Variants in TLL1 observed in about 807,000 individuals in gnomAD.
TLL1 encodes tolloid like 1.
TLL1 carries 49 observed loss-of-function variants against 128.2 expected under a neutral mutation model. That is an observed-to-expected ratio of 0.38 (90% CI 0.30 to 0.48). The LOEUF (loss-of-function observed/expected upper bound fraction) is 0.48, where lower values mean the gene tolerates loss of function less well. Ranked by LOEUF, TLL1 falls within the 20% of genes least tolerant of loss-of-function variation. The pLI, the probability that TLL1 is intolerant of heterozygous loss-of-function variation, is 0.96. For missense variants in TLL1, 1,123 were observed against 1,242.0 expected (o/e 0.90, Z 1.44); for synonymous variants, 454 against 418.8 (o/e 1.08, Z -1.03).
intron 15 of TLL1, among the ~76,000 whole-genome samples, chr4:166,062,201 G>T (rs1740349438): frequency 1.3e-5 from 2 of 152,116 alleles, no homozygotes; most frequent in Non-Finnish European, 1.5e-5. Flanking sequence ...GGAGATGTGG[G>T]TTCTTTTTTG....
At chr4:166,075,036 T>G (rs780580636) in intron 17 of TLL1, 33 bp downstream of exon 17, 13 of 1,610,762 alleles carry the variant, frequency 8.1e-6, no homozygotes, top group Non-Finnish European at 1.1e-5. Flanking sequence ...TTTGACAACA[T>G]GTAGAATTTC....
intron 1 of TLL1, among the ~76,000 whole-genome samples, chr4:165,955,266 G>A (rs1734728440): frequency 6.6e-6 from 1 of 151,896 alleles, no homozygotes; most frequent in African/African-American, 2.4e-5. Context: ...ATTATAAAAT[G>A]AACAAAATCT....
intron 1 of TLL1, among the ~76,000 whole-genome samples, chr4:165,978,976 T>C (rs72972287): frequency 0.042 from 6,441 of 152,284 alleles, 458 homozygotes; most frequent in African/African-American, 0.15. Context: ...TTTGAGGTGA[T>C]ACTTTGTAAC....
intron 12 of TLL1, among the ~76,000 whole-genome samples, chr4:166,045,580 G>T (rs1483896247): frequency 6.6e-6 from 1 of 152,086 alleles, no homozygotes; most frequent in Non-Finnish European, 1.5e-5. Flanking sequence ...CTCAAAACCA[G>T]AGTGATGCTT....
intron 1 of TLL1, among the ~76,000 whole-genome samples, chr4:165,946,812 TG>T (rs746792848): frequency 4.6e-5 from 7 of 152,022 alleles, no homozygotes; most frequent in Non-Finnish European, 7.4e-5. Flanking sequence ...TAGATTACCT[TG>T]AACAGGACAA....
chr4:165,999,666 G>A (rs1737059843), intron 5 of TLL1, among the ~76,000 whole-genome samples: 3 of 150,484 alleles, frequency 2.0e-5, no homozygotes, highest in Admixed American at 2.0e-4. Flanking sequence ...TAAAAATGAG[G>A]TTTCACCATG....
At chr4:165,942,273 T>G (rs892301959) in intron 1 of TLL1, among the ~76,000 whole-genome samples, 2 of 147,946 alleles carry the variant, frequency 1.4e-5, no homozygotes, top group Non-Finnish European at 3.0e-5. Flanking sequence ...CCCACCACCC[T>G]CCTTTTTTTT....
intron 1 of TLL1, among the ~76,000 whole-genome samples, chr4:165,920,234 G>T (rs1047861926): frequency 2.0e-5 from 3 of 152,192 alleles, no homozygotes; most frequent in Non-Finnish European, 4.4e-5. Context: ...AGAAAACTTA[G>T]AAAGTCTAAT....
intron 2 of TLL1, among the ~76,000 whole-genome samples, chr4:165,991,350 C>T (rs1736628594): frequency 6.6e-6 from 1 of 151,924 alleles, no homozygotes; most frequent in African/African-American, 2.4e-5. Flanking sequence ...TTGCACTACT[C>T]AGTTGAATTG....
intron 1 of TLL1, among the ~76,000 whole-genome samples, chr4:165,934,036 T>C (rs1187592189): frequency 6.6e-6 from 1 of 152,126 alleles, no homozygotes; most frequent in African/African-American, 2.4e-5. Flanking sequence ...TTTGCTCTTA[T>C]TGCCCAGGCT....
intron 1 of TLL1, among the ~76,000 whole-genome samples, chr4:165,941,136 G>T (rs1166889285): frequency 6.6e-6 from 1 of 151,968 alleles, no homozygotes; most frequent in Non-Finnish European, 1.5e-5. Flanking sequence ...TGCCTTCTTG[G>T]TATGTAAGTT....
intron 1 of TLL1, among the ~76,000 whole-genome samples, chr4:165,968,539 T>C (rs927891555): frequency 1.3e-5 from 2 of 152,166 alleles, no homozygotes; most frequent in African/African-American, 4.8e-5. Context: ...CAATCCTTAC[T>C]CTTTTTGAGC....
chr4:165,974,296 A>G (rs1735773494), intron 1 of TLL1, among the ~76,000 whole-genome samples: 1 of 141,404 alleles, frequency 7.1e-6, no homozygotes, highest in Non-Finnish European at 1.5e-5. Flanking sequence ...GCCCGCCACT[A>G]CGCCCGGCTA....
At position 166,065,746 on chromosome 4, in the gene TLL1, A is replaced by C. The variant is rs1284559551; in HGVS notation, c.2071A>C (p.Lys691Gln). Residue 691 changes from lysine (K) to glutamine (Q), a missense_variant, in exon 16 of 21, where the codon AAA becomes CAA. By Grantham distance (53) the Lys-to-Gln change is moderately conservative (BLOSUM62 1). Coordinates refer to ENST00000061240, the MANE Select transcript of TLL1 (RefSeq NM_012464.5). ...GLSSESKLHG[K>Q]FCGAEVPEVI... is the part of the protein sequence containing the mutation. ...TTCCTCTGAGTCTAAACTGCATGGC[A>C]AATTCTGTGGCGCTGAAGTGCCTGA... 1.2e-6 allele frequency: 2 copies of C among 1,613,212 alleles called. No individual in the cohort carries two copies. Among genetic ancestry groups the C allele is most frequent in the South Asian group, 1.1e-5 (1 of 91,078 alleles).
intron 12 of TLL1, among the ~76,000 whole-genome samples, chr4:166,050,249 G>T (rs532287393): frequency 6.6e-6 from 1 of 152,024 alleles, no homozygotes; most frequent in Non-Finnish European, 1.5e-5. Flanking sequence ...CATTCTTTCT[G>T]TCTCTATGAA....
chr4:166,027,721 A>G (rs139977240), intron 9 of TLL1, among the ~76,000 whole-genome samples: 179 of 152,318 alleles, frequency 1.2e-3, no homozygotes, highest in African/African-American at 4.0e-3. Context: ...ACAAGTTTAA[A>G]GTATACATGA....
At chr4:165,999,229 C>CA (rs1479937754) in intron 5 of TLL1, among the ~76,000 whole-genome samples, 1 of 152,140 alleles carries the variant, frequency 6.6e-6, no homozygotes, top group Non-Finnish European at 1.5e-5. Context: ...AGCAGTGCTC[C>CA]ACTCCCAGTA....
chr4:166,092,594 A>G (rs1741822841), intron 19 of TLL1, among the ~76,000 whole-genome samples: 1 of 152,096 alleles, frequency 6.6e-6, no homozygotes, highest in African/African-American at 2.4e-5. Flanking sequence ...CTATTACTTA[A>G]TCAATATTTC....
intron 15 of TLL1, 91 bp downstream of exon 15, chr4:166,060,279 A>C: frequency 1.5e-6 from 2 of 1,342,160 alleles, no homozygotes; most frequent in Non-Finnish European, 1.1e-6. Flanking sequence ...GATGTAGTAA[A>C]ATAGTATAGA....
Sources: allele counts gnomAD v4.1 joint callset (sites outside exome capture counted in the v4.1 genomes callset), GRCh38; gene constraint gnomAD v4.1.1; transcripts MANE v1.5; gene names NCBI Gene and HGNC (gene_info 2026-07-23, HGNC 2026-07-21).